Variants in PNPT1 observed in about 807,000 individuals in gnomAD.
PNPT1 encodes the protein polyribonucleotide nucleotidyltransferase 1, mitochondrial.
Under a neutral mutation model 119.5 loss-of-function variants are expected in PNPT1, and 53 were observed. The observed-to-expected ratio is 0.44, with a 90% CI of 0.36 to 0.56. The LOEUF (loss-of-function observed/expected upper bound fraction) is 0.56, where lower values mean the gene tolerates loss of function less well. Among genes scored for constraint, PNPT1 ranks in the 20% least tolerant of loss-of-function variants. PNPT1 has a pLI of 0.00. For synonymous variants in PNPT1, 357 were observed against 322.1 expected, an observed-to-expected ratio of 1.11 and a Z score of -1.16; for missense variants, 948 against 938.5, an observed-to-expected ratio of 1.01 and a Z score of -0.13.
chr2:55,671,961 G>T, intron 10 of PNPT1, 34 bp downstream of exon 10: 1 of 1,496,400 alleles, frequency 6.7e-7, no homozygotes, highest in Non-Finnish European at 9.1e-7. Context: ...TATTCCTAGG[G>T]CAATTATGGA....
At chr2:55,664,108 G>A (rs984460880) in intron 13 of PNPT1, among the ~76,000 whole-genome samples, 2 of 152,222 alleles carry the variant, frequency 1.3e-5, no homozygotes, top group African/African-American at 4.8e-5. Flanking sequence ...TGGTAAATAT[G>A]TGGGCCAATA....
chr2:55,660,231 GA>G (rs1388317665), intron 14 of PNPT1, 38 bp from the exon 15 acceptor site: 2 of 1,523,030 alleles, frequency 1.3e-6, no homozygotes, highest in African/African-American at 1.4e-5. Context: ...ACATCATAGG[GA>G]AAAAACATAT....
intron 5 of PNPT1, 27 bp from the exon 6 acceptor site, chr2:55,680,945 G>C (rs772242951): frequency 8.8e-6 from 14 of 1,587,630 alleles, no homozygotes; most frequent in Non-Finnish European, 1.1e-5. Context: ...AATTTGATTT[G>C]GAAGGGTTAT....
Position 55,648,267 on chromosome 2 carries a change from T to C in PNPT1, c.1496-814A>G, listed in dbSNP as rs1044641909. Among the ~76,000 whole-genome samples, 4 of 152,220 alleles carry C rather than the reference T, an allele frequency of 2.6e-5. No homozygotes were observed. In the East Asian group the frequency reaches 5.8e-4, roughly 22 times the overall value. Reference sequence around the variant, plus strand: ...ACCTTGCCTTTTTCACTTAATAACATGTCTTGGATATTGACACATACCACC... The same window carrying C: ...ACCTTGCCTTTTTCACTTAATAACACGTCTTGGATATTGACACATACCACC... On this transcript the variant is annotated intron_variant, in intron 18 of 27. Transcript: ENST00000447944.
intron 11 of PNPT1, among the ~76,000 whole-genome samples, chr2:55,669,551 A>G (rs533028677): frequency 1.3e-5 from 2 of 152,366 alleles, no homozygotes; most frequent in South Asian, 4.1e-4. Flanking sequence ...AACAATCAGT[A>G]CCAAAATGTT....
chr2:55,680,017 G>A (rs996680785), intron 7 of PNPT1, among the ~76,000 whole-genome samples: 24 of 151,968 alleles, frequency 1.6e-4, no homozygotes, highest in Non-Finnish European at 2.1e-4. Flanking sequence ...CCACACCTCT[G>A]GGATTATGCT....
At chr2:55,648,390 T>A (rs56043131) in intron 18 of PNPT1, among the ~76,000 whole-genome samples, 6,293 of 152,346 alleles carry the variant, frequency 0.041, 173 homozygotes, top group South Asian at 0.081. Context: ...AAAAGGTATG[T>A]GCATTTACGT....
Position 55,661,549 on chromosome 2 carries a change from C to T in PNPT1, c.1247+407G>A, listed in dbSNP as rs530307913. ...CAAAATCACAACGTGGCTTGGGATTCGACAAGGCTTTTCATTAACGAGGTT... is the reference window on the plus strand; with the variant it reads ...CAAAATCACAACGTGGCTTGGGATTTGACAAGGCTTTTCATTAACGAGGTT... On this transcript the variant is annotated intron_variant, in intron 14 of 27. Coordinates refer to ENST00000447944, the MANE Select transcript of PNPT1 (RefSeq NM_033109.5). 1.4e-4 allele frequency among the ~76,000 whole-genome samples: 21 copies of T among 152,244 alleles called. No individual in the cohort carries two copies. In the South Asian group the frequency reaches 3.5e-3, roughly 26 times the overall value.
At chr2:55,683,898 T>G in intron 4 of PNPT1, 64 bp from the exon 5 acceptor site, 12 of 1,491,686 alleles carry the variant, frequency 8.0e-6, no homozygotes, top group Non-Finnish European at 1.1e-5. Context: ...TTCAAAACGT[T>G]TGAACTAATA....
chr2:55,641,606 T>C (rs1464171992), intron 25 of PNPT1, among the ~76,000 whole-genome samples: 1 of 152,184 alleles, frequency 6.6e-6, no homozygotes, highest in Non-Finnish European at 1.5e-5. Flanking sequence ...GGAATACTTA[T>C]TTCATTAAAA....
chr2:55,646,340 A>C lies in PNPT1; in HGVS notation c.1675-18T>G, dbSNP rs1208498666. 16 of 1,607,810 alleles carry C rather than the reference A, an allele frequency of 1.0e-5. No individual in the cohort carries two copies. The South Asian group carries it at 1.7e-4, about 17-fold the overall frequency. On this transcript the variant is annotated intron_variant, in intron 20 of 27. Coordinates refer to ENST00000447944, the MANE Select transcript of PNPT1 (RefSeq NM_033109.5). ...ATATCAGCCTAATATGGAAAAGTCA[A>C]ACAATTATATAAATATTGACTCATG...
chr2:55,638,391 G>A (rs907889936), intron 26 of PNPT1, among the ~76,000 whole-genome samples: 9 of 152,078 alleles, frequency 5.9e-5, no homozygotes, highest in Non-Finnish European at 1.3e-4. Flanking sequence ...GCTGGGTACA[G>A]TGGCTCACAC....
intron 4 of PNPT1, 47 bp from the exon 5 acceptor site, chr2:55,683,881 T>G (rs751775117): frequency 6.3e-7 from 1 of 1,580,632 alleles, no homozygotes. Context: ...ACAGAGTTGC[T>G]TTACAGTTCA....
chr2:55,677,963 G>C (rs183761904), intron 8 of PNPT1, among the ~76,000 whole-genome samples: 104 of 152,118 alleles, frequency 6.8e-4, no homozygotes, highest in Non-Finnish European at 9.7e-4. Context: ...GGATGGTCTC[G>C]ATCTCCTGAC....
At chr2:55,660,695 T>G (rs1282997643) in intron 14 of PNPT1, among the ~76,000 whole-genome samples, 1 of 152,168 alleles carries the variant, frequency 6.6e-6, no homozygotes, top group Non-Finnish European at 1.5e-5. Flanking sequence ...CCAGAGAGGA[T>G]TATAGCAGGT....
In PNPT1 at chr2:55,671,254, G is replaced by C. The variant is rs571528166; in HGVS notation, c.976+65C>G. Reference sequence around the variant, plus strand: ...TGACCTTTAATCCCAAGAAGCAAGAGTCAGGCCATGCCTTATTAAAGCTGC... The same window carrying C: ...TGACCTTTAATCCCAAGAAGCAAGACTCAGGCCATGCCTTATTAAAGCTGC... On this transcript the variant is annotated intron_variant, in intron 11 of 27. Coordinates refer to ENST00000447944, the MANE Select transcript of PNPT1 (RefSeq NM_033109.5). The C allele has an allele frequency of 7.5e-6, 6 of 796,170 alleles. No homozygotes were observed. In the East Asian group the frequency reaches 1.9e-4, roughly 25 times the overall value. The allele number at this position is 796,170 out of a possible 1,614,324, so 49.3% of individuals were successfully genotyped here.
chr2:55,638,343 T>C (rs1029127094), intron 26 of PNPT1, among the ~76,000 whole-genome samples: 2 of 148,736 alleles, frequency 1.3e-5, no homozygotes, highest in Admixed American at 6.8e-5. Flanking sequence ...AGATTTAAAA[T>C]ACAGATGTAT....
intron 27 of PNPT1, 82 bp from the exon 28 acceptor site, chr2:55,636,474 G>T (rs1410640559): frequency 1.4e-6 from 2 of 1,399,404 alleles, no homozygotes; most frequent in East Asian, 4.8e-5. Context: ...AATTTACATG[G>T]TCCAAATAAG....
Position 55,636,078 on chromosome 2 carries a change from A to T in PNPT1, c.*159T>A, listed in dbSNP as rs568249156. On this transcript the variant is annotated 3_prime_UTR_variant, in exon 28 of 28. Coordinates refer to ENST00000447944, the MANE Select transcript of PNPT1 (RefSeq NM_033109.5). ...TAAACAAATATGGGTTACTCGAATT[A>T]AAAAAATGGCACATGTAAATGAGCA... The T allele has an allele frequency of 3.5e-3, 1,441 of 412,252 alleles. 11 individuals carry two copies. The highest frequency in any genetic ancestry group is 4.0e-3 in the Non-Finnish European group (981 of 245,464). 25.5% of individuals were successfully genotyped at this position (412,252 alleles called of 1,614,324 possible).
Sources: gnomAD v4.1 joint callset for allele counts (sites outside exome capture counted in the v4.1 genomes callset) on GRCh38, gnomAD v4.1.1 for gene constraint, MANE v1.5 for transcripts, NCBI Gene and HGNC (gene_info 2026-07-23, HGNC 2026-07-21) for gene names.